Variants in DTHD1 observed in about 807,000 individuals in gnomAD.
DTHD1 encodes the protein death domain containing 1.
A neutral mutation model predicts 74.8 loss-of-function variants in DTHD1; 59 were observed. That is an observed-to-expected ratio of 0.79 (90% CI 0.64 to 0.98). The LOEUF (loss-of-function observed/expected upper bound fraction) is 0.98. DTHD1 is among the 50% of genes least tolerant of loss of function. The pLI, the probability that DTHD1 is intolerant of heterozygous loss-of-function variation, is 0.00. For synonymous variants in DTHD1, 365 were observed against 371.1 expected, an observed-to-expected ratio of 0.98 and a Z score of 0.19; for missense variants, 1,051 against 1,065.4, an observed-to-expected ratio of 0.99 and a Z score of 0.19.
At chr4:36,282,912 T>C (rs1260488896) in intron 1 of DTHD1, among the ~76,000 whole-genome samples, 1 of 152,062 alleles carries the variant, frequency 6.6e-6, no homozygotes, top group East Asian at 1.9e-4. Flanking sequence ...TTTGGCAATA[T>C]AACAAGCAAA....
chr4:36,303,551 C>A (rs1238903025), intron 5 of DTHD1, among the ~76,000 whole-genome samples: 1 of 152,180 alleles, frequency 6.6e-6, no homozygotes, highest in East Asian at 1.9e-4. Flanking sequence ...CTCTGACATG[C>A]TTGTTCCTCA....
chr4:36,331,695 C>T (rs1305693065), intron 8 of DTHD1, among the ~76,000 whole-genome samples: 3 of 152,122 alleles, frequency 2.0e-5, no homozygotes, highest in African/African-American at 7.2e-5. Context: ...TGCATAAGTG[C>T]TCTAGGGTAA....
At chr4:36,290,102 G>A (rs1053728541) in intron 2 of DTHD1, among the ~76,000 whole-genome samples, 8 of 152,042 alleles carry the variant, frequency 5.3e-5, no homozygotes, top group African/African-American at 1.9e-4. Context: ...AACAACTATG[G>A]TGTACCAGAC....
chr4:36,323,433 A>G (rs1758150814), intron 8 of DTHD1, among the ~76,000 whole-genome samples: 1 of 152,080 alleles, frequency 6.6e-6, no homozygotes, highest in Admixed American at 6.6e-5. Context: ...AATTTTGACT[A>G]GATAAATGAG....
chr4:36,301,839 T>C (rs1435092283), intron 5 of DTHD1, among the ~76,000 whole-genome samples: 2 of 152,006 alleles, frequency 1.3e-5, no homozygotes, highest in Non-Finnish European at 2.9e-5. Context: ...GAAACGTTTC[T>C]GTTGGGTTTA....
rs753501702 is a variant in DTHD1 at position 36,343,784 on chromosome 4, T to A, written c.2681T>A (p.Phe894Tyr). The change falls in exon 10 of 10, where the codon TTC becomes TAC. Residue 894 changes from phenylalanine to tyrosine, a missense_variant. Physicochemically the swap from Phe to Tyr is conservative, Grantham distance 22. Transcript: ENST00000639862. ...ELKFKWENKV[F>Y]TEPQQCFDVA... is the part of the protein sequence containing the mutation. ...AAATTCAAGTGGGAAAATAAAGTGT[T>A]CACTGAACCACAGCAGTGTTTTGAT... The A allele has an allele frequency of 1.5e-4, 237 of 1,551,106 alleles. No homozygotes were observed. The highest frequency in any genetic ancestry group is 2.0e-4 in the Non-Finnish European group (230 of 1,146,808).
At chr4:36,342,420 G>A (rs988706155) in intron 9 of DTHD1, among the ~76,000 whole-genome samples, 1 of 152,184 alleles carries the variant, frequency 6.6e-6, no homozygotes, top group Non-Finnish European at 1.5e-5. Flanking sequence ...GCAGGGGTGA[G>A]CATGAAAGTG....
chr4:36,325,311 T>C (rs1296683649), intron 8 of DTHD1, among the ~76,000 whole-genome samples: 1 of 152,152 alleles, frequency 6.6e-6, no homozygotes, highest in Non-Finnish European at 1.5e-5. Context: ...GGTATGGCCA[T>C]AATTGAGGAT....
intron 8 of DTHD1, 27 bp downstream of exon 8, chr4:36,316,513 T>C: frequency 6.6e-7 from 1 of 1,524,690 alleles, no homozygotes; most frequent in East Asian, 2.5e-5. Context: ...TTCTAATTAC[T>C]ACATTTTGTT....
intron 5 of DTHD1, among the ~76,000 whole-genome samples, chr4:36,301,449 C>T (rs548986950): frequency 6.6e-6 from 1 of 151,586 alleles, no homozygotes; most frequent in Non-Finnish European, 1.5e-5. Flanking sequence ...ATTTCTGCTG[C>T]TGGAAAAAAA....
chr4:36,343,830 T>C lies in DTHD1; in HGVS notation c.*6T>C. ...TTGATGTAGCCCCTGAGTAAAAGCC[T>C]GATCTCTCTTCCTTTACCCCTAGGA... On this transcript the variant is annotated 3_prime_UTR_variant, in exon 10 of 10. Coordinates refer to ENST00000639862, the MANE Select transcript of DTHD1 (RefSeq NM_001170700.3). The C allele has an allele frequency of 6.5e-7, 1 of 1,537,528 alleles. No homozygotes were observed. Among genetic ancestry groups the C allele is most frequent in the Non-Finnish European group, 8.8e-7 (1 of 1,138,988 alleles).
At chr4:36,295,403 T>C (rs1452429058) in intron 5 of DTHD1, among the ~76,000 whole-genome samples, 1 of 152,084 alleles carries the variant, frequency 6.6e-6, no homozygotes, top group African/African-American at 2.4e-5. Flanking sequence ...AGCTAGATGC[T>C]GACAATTGAA....
At chr4:36,321,686 G>A (rs1758044846) in intron 8 of DTHD1, among the ~76,000 whole-genome samples, 1 of 152,106 alleles carries the variant, frequency 6.6e-6, no homozygotes, top group Admixed American at 6.6e-5. Context: ...TGGAAAAATG[G>A]TCTTCTACGA....
At chr4:36,327,611 A>G (rs1179315573) in intron 8 of DTHD1, among the ~76,000 whole-genome samples, 2 of 152,174 alleles carry the variant, frequency 1.3e-5, no homozygotes, top group African/African-American at 4.8e-5. Context: ...TGCATGTTTG[A>G]AGTGCTTTAT....
chr4:36,290,564 T>G lies in DTHD1; in HGVS notation c.1079T>G (p.Phe360Cys). The part of the protein sequence containing the change: ...ECSDKEKRVP[F>C]PIGIAIPFTA... ...TCAGATAAGGAAAAGAGAGTTCCAT[T>G]TCCAATAGGCATTGCAATTCCATTT... Residue 360 changes from phenylalanine (F) to cysteine (C), a missense_variant, in exon 3 of 10, where the codon TTT (phenylalanine) becomes TGT (cysteine). Coordinates refer to ENST00000639862, the MANE Select transcript of DTHD1 (RefSeq NM_001170700.3). 1 of 1,551,590 alleles carries G rather than the reference T, an allele frequency of 6.4e-7. No individual in the cohort carries two copies. Among genetic ancestry groups the G allele is most frequent in the South Asian group, 1.2e-5 (1 of 84,062 alleles).
intron 8 of DTHD1, among the ~76,000 whole-genome samples, chr4:36,321,166 G>A (rs1758016890): frequency 6.6e-6 from 1 of 152,142 alleles, no homozygotes; most frequent in Admixed American, 6.5e-5. Context: ...GGTATGTAGG[G>A]TCTCATTTTT....
chr4:36,342,982 G>A (rs1251256591), intron 9 of DTHD1, among the ~76,000 whole-genome samples: 5 of 148,022 alleles, frequency 3.4e-5, no homozygotes, highest in African/African-American at 1.0e-4. Flanking sequence ...CAGCTACTCA[G>A]AAGTCTGAGG....
At chr4:36,289,045 A>G (rs1178577378) in intron 2 of DTHD1, among the ~76,000 whole-genome samples, 2 of 152,208 alleles carry the variant, frequency 1.3e-5, no homozygotes, top group East Asian at 1.9e-4. Context: ...CAATTTCTAC[A>G]TATTTTTTGG....
rs534958867 is a variant in DTHD1 at position 36,317,198 on chromosome 4, C to A, written c.2340+712C>A. Among the ~76,000 whole-genome samples the A allele has an allele frequency of 3.3e-5, 5 of 152,068 alleles. No homozygotes were observed. In the South Asian group the frequency reaches 8.3e-4, roughly 25 times the overall value. On this transcript the variant is annotated intron_variant, in intron 8 of 9. Coordinates refer to ENST00000639862, the MANE Select transcript of DTHD1 (RefSeq NM_001170700.3). ...GACTAGCAGGAATGTGTTTTCCATG[C>A]GGTTAGATTTTGCACTGATTTAAAA...
Sources: gnomAD v4.1 joint callset for allele counts (sites outside exome capture counted in the v4.1 genomes callset) on GRCh38, gnomAD v4.1.1 for gene constraint, MANE v1.5 for transcripts, NCBI Gene and HGNC (gene_info 2026-07-23, HGNC 2026-07-21) for gene names.